ZNF618: variants seen among roughly 807,000 people sequenced by gnomAD.
ZNF618 encodes zinc finger protein 618.
In ZNF618, 34 loss-of-function variants were observed where a neutral mutation model predicts 103.0. That is an observed-to-expected ratio of 0.33 (90% CI 0.25 to 0.44). The LOEUF is 0.44. Among genes scored for constraint, ZNF618 ranks in the 20% least tolerant of loss-of-function variants. ZNF618 has a pLI of 1.00. For synonymous variants in ZNF618, 551 were observed against 542.2 expected, an observed-to-expected ratio of 1.02 and a Z score of -0.23; for missense variants, 1,059 against 1,295.4, an observed-to-expected ratio of 0.82 and a Z score of 2.80.
rs573109882 is a variant in ZNF618 at position 113,999,039 on chromosome 9, C to T, written c.433+685C>T. Among the ~76,000 whole-genome samples, 210 of 152,364 alleles carry T rather than the reference C, an allele frequency of 1.4e-3. 4 individuals are homozygous for T. The Middle Eastern group carries it at 0.065, about 47-fold the overall frequency. On this transcript the variant is annotated intron_variant, in intron 4 of 14. Coordinates refer to ENST00000374126, the MANE Select transcript of ZNF618 (RefSeq NM_001318042.2). ...TTCCATGACTTGTCCAGGGCTCCCT[C>T]TGCTGGGATGTGGTGAGCCAGGGTT...
intron 11 of ZNF618, among the ~76,000 whole-genome samples, chr9:114,030,127 C>T (rs541277837): frequency 6.6e-6 from 1 of 152,316 alleles, no homozygotes; most frequent in Admixed American, 6.5e-5. Flanking sequence ...TGACTGACAA[C>T]CCAGCCGAGT....
At chr9:113,950,458 G>A (rs923748838) in intron 1 of ZNF618, among the ~76,000 whole-genome samples, 2 of 152,148 alleles carry the variant, frequency 1.3e-5, no homozygotes, top group Non-Finnish European at 2.9e-5. Context: ...GTAACCATGG[G>A]TTGATGATCC....
intron 1 of ZNF618, among the ~76,000 whole-genome samples, chr9:113,938,165 GTTTTTTTT>G (rs770850585): frequency 1.0e-5 from 1 of 95,526 alleles, no homozygotes; most frequent in African/African-American, 4.0e-5. Context: ...TCAGGCTCCT[GTTTTTTTT>G]TTTTTTTTTT....
intron 13 of ZNF618, among the ~76,000 whole-genome samples, chr9:114,046,632 C>T (rs1845681401): frequency 6.6e-6 from 1 of 152,110 alleles, no homozygotes; most frequent in Non-Finnish European, 1.5e-5. Flanking sequence ...AGGGAGAAAG[C>T]TTTCAGTGTT....
chr9:113,936,916 C>G (rs1834076442), intron 1 of ZNF618, among the ~76,000 whole-genome samples: 1 of 151,732 alleles, frequency 6.6e-6, no homozygotes, highest in African/African-American at 2.4e-5. Context: ...TTGATAAACT[C>G]TTTGTTTTTT....
At position 114,050,184 on chromosome 9, in the gene ZNF618, A is replaced by G. The variant is rs575961464; in HGVS notation, c.*17A>G. On this transcript the variant is annotated 3_prime_UTR_variant, in exon 15 of 15. Coordinates refer to ENST00000374126, the MANE Select transcript of ZNF618 (RefSeq NM_001318042.2). ...ATGCTTTAAGACTTGACTTCGGGGGAAAAAAAAAGAAAAAGAGAAGATAAC... is the reference window on the plus strand; with the variant it reads ...ATGCTTTAAGACTTGACTTCGGGGGGAAAAAAAAGAAAAAGAGAAGATAAC... 2.8e-4 allele frequency: 427 copies of G among 1,503,420 alleles called. 1 individual carries two copies. The highest frequency in any genetic ancestry group is 8.9e-4 in the Middle Eastern group (5 of 5,630). The allele number at this position is 1,503,420 out of a possible 1,614,324, so 93.1% of individuals were successfully genotyped here.
At chr9:113,963,806 G>C (rs1837093790) in intron 1 of ZNF618, among the ~76,000 whole-genome samples, 1 of 152,162 alleles carries the variant, frequency 6.6e-6, no homozygotes, top group Non-Finnish European at 1.5e-5. Context: ...CCTGAGCTGG[G>C]TGCTGGTGAC....
At chr9:113,995,081 A>C (rs944786279) in intron 3 of ZNF618, among the ~76,000 whole-genome samples, 17 of 152,180 alleles carry the variant, frequency 1.1e-4, no homozygotes, top group Admixed American at 5.2e-4. Context: ...CAGAAATTTT[A>C]CATCTTTCCT....
chr9:114,036,493 C>T, intron 13 of ZNF618, 116 bp downstream of exon 13: 1 of 1,104,208 alleles, frequency 9.1e-7, no homozygotes, highest in Non-Finnish European at 1.3e-6. Context: ...GGAAAATGGT[C>T]ACAGGACATG....
chr9:113,954,701 C>G (rs920748786), intron 1 of ZNF618, among the ~76,000 whole-genome samples: 3 of 152,204 alleles, frequency 2.0e-5, no homozygotes, highest in Non-Finnish European at 2.9e-5. Flanking sequence ...TCCATGCCTT[C>G]CTTTTCCCTG....
chr9:113,876,401 G>A lies in ZNF618; in HGVS notation c.21G>A (p.Ala7=), dbSNP rs1245874680. 3 of 1,201,090 alleles carry A rather than the reference G, an allele frequency of 2.5e-6. No individual in the cohort carries two copies. The highest frequency in any genetic ancestry group is 1.6e-5 in the African/African-American group (1 of 62,970). 74.4% of individuals were successfully genotyped at this position (1,201,090 alleles called of 1,614,324 possible). Reference sequence around the variant, plus strand: ...GACCCATGAACCAGCCGGGCGGCGCGGCGGCTCCGCAGGTACGACGGGGGG... The same window carrying A: ...GACCCATGAACCAGCCGGGCGGCGCAGCGGCTCCGCAGGTACGACGGGGGG... MNQPGG[A]AAPQADGASA... The change falls in exon 1 of 15, where the codon GCG becomes GCA. Residue 7 remains alanine (A), a synonymous_variant. Coordinates refer to ENST00000374126, the MANE Select transcript of ZNF618 (RefSeq NM_001318042.2).
intron 2 of ZNF618, 149 bp from the exon 3 acceptor site, chr9:113,988,172 C>T (rs899810898): frequency 9.7e-6 from 10 of 1,032,540 alleles, no homozygotes; most frequent in South Asian, 3.6e-5. Context: ...CAGGGGTAGC[C>T]GTGGGGGTTG....
At chr9:114,004,678 C>A (rs1478105232) in intron 6 of ZNF618, among the ~76,000 whole-genome samples, 1 of 152,184 alleles carries the variant, frequency 6.6e-6, no homozygotes, top group Admixed American at 6.5e-5. Context: ...CCTGCCCTGA[C>A]CCAGACTGGC....
At chr9:113,891,009 A>T (rs554280934) in intron 1 of ZNF618, among the ~76,000 whole-genome samples, 1 of 152,096 alleles carries the variant, frequency 6.6e-6, no homozygotes, top group African/African-American at 2.4e-5. Flanking sequence ...GGAGATATTG[A>T]CTTTGTTATT....
intron 1 of ZNF618, among the ~76,000 whole-genome samples, chr9:113,909,441 G>A (rs1178332889): frequency 1.3e-5 from 2 of 152,194 alleles, no homozygotes; most frequent in African/African-American, 2.4e-5. Context: ...TGTGCTACGA[G>A]GCTGCAGATG....
Position 114,004,548 on chromosome 9 carries a change from G to T in ZNF618, c.550+1886G>T, listed in dbSNP as rs541981434. Among the ~76,000 whole-genome samples, 3 of 152,372 alleles carry T rather than the reference G, an allele frequency of 2.0e-5. No homozygotes were observed. The East Asian group carries it at 5.8e-4, about 29-fold the overall frequency. ...TCTGGCTTCCGTTGTCCGCGGGCTT[G>T]CTGGTTGCTGACGGCTCTGTAGCGG... is the stretch of plus-strand genomic sequence containing the variant. On this transcript the variant is annotated intron_variant, in intron 6 of 14. Transcript: ENST00000374126.
intron 1 of ZNF618, among the ~76,000 whole-genome samples, chr9:113,896,831 T>C (rs1477706473): frequency 6.6e-6 from 1 of 152,164 alleles, no homozygotes; most frequent in East Asian, 1.9e-4. Flanking sequence ...CATTTTATTA[T>C]GGGTTGTACC....
intron 1 of ZNF618, 55 bp downstream of exon 1, chr9:113,876,468 C>A (rs1587895496): frequency 8.6e-7 from 1 of 1,162,998 alleles, no homozygotes; most frequent in Non-Finnish European, 1.1e-6. Context: ...GGGGCCGGGG[C>A]CCGGGGCGCT....
At chr9:113,944,202 T>G (rs1437074198) in intron 1 of ZNF618, among the ~76,000 whole-genome samples, 1 of 152,228 alleles carries the variant, frequency 6.6e-6, no homozygotes, top group East Asian at 1.9e-4. Context: ...GCCCTTGATG[T>G]GGGCTTTTCT....
Sources: gnomAD v4.1 joint callset for allele counts (sites outside exome capture counted in the v4.1 genomes callset) on GRCh38, gnomAD v4.1.1 for gene constraint, MANE v1.5 for transcripts, NCBI Gene and HGNC (gene_info 2026-07-23, HGNC 2026-07-21) for gene names.